The following SORCS2 variants were observed in gnomAD, a reference collection of about 807,000 sequenced individuals.
SORCS2 encodes the protein VPS10 domain-containing receptor SorCS2.
Under a neutral mutation model 141.6 loss-of-function variants are expected in SORCS2, and 100 were observed. The observed-to-expected ratio is 0.71, with a 90% confidence interval of 0.60 to 0.83. The LOEUF (loss-of-function observed/expected upper bound fraction) is 0.83. Among genes scored for constraint, SORCS2 ranks in the 40% least tolerant of loss-of-function variants. SORCS2 has a pLI of 0.00. For missense variants in SORCS2, 1,646 were observed against 1,560.2 expected, an observed-to-expected ratio of 1.05 and a Z score of -0.93; for synonymous variants, 789 against 676.9, an observed-to-expected ratio of 1.17 and a Z score of -2.57.
chr4:7,601,296 C>G (rs192310921), intron 3 of SORCS2, among the ~76,000 whole-genome samples: 2 of 145,298 alleles, frequency 1.4e-5, no homozygotes, highest in African/African-American at 5.1e-5. Context: ...TTTTTAAACT[C>G]CCCAAATTAA....
At chr4:7,540,345 C>G (rs1712526257) in intron 3 of SORCS2, among the ~76,000 whole-genome samples, 1 of 152,016 alleles carries the variant, frequency 6.6e-6, no homozygotes, top group African/African-American at 2.4e-5. Context: ...TGAGATTAGC[C>G]CGGGTCCCGT....
At chr4:7,640,937 G>A (rs1437581341) in intron 4 of SORCS2, among the ~76,000 whole-genome samples, 1 of 152,086 alleles carries the variant, frequency 6.6e-6, no homozygotes. Flanking sequence ...AAGAGGCTGT[G>A]GAACTGTCTA....
In SORCS2 at chr4:7,357,388, C is replaced by T. The variant is rs576653460; in HGVS notation, c.481-38900C>T. Among the ~76,000 whole-genome samples the T allele has an allele frequency of 9.2e-5, 14 of 152,304 alleles. No individual in the cohort carries two copies. In the South Asian group the frequency reaches 1.9e-3, roughly 20 times the overall value. ...GAAGGGAGAGAGCAGATGACAGACT[C>T]GTAGGCACTGGCAGCTTGTCTGAGA... On this transcript the variant is annotated intron_variant, in intron 1 of 26. Transcript: ENST00000507866.
intron 1 of SORCS2, among the ~76,000 whole-genome samples, chr4:7,246,029 G>C (rs1317960310): frequency 6.6e-6 from 1 of 152,208 alleles, no homozygotes; most frequent in African/African-American, 2.4e-5. Context: ...CTGTCAGTCA[G>C]AAAGGGATTG....
chr4:7,684,809 G>A (rs1001902209), intron 10 of SORCS2, among the ~76,000 whole-genome samples: 1 of 152,088 alleles, frequency 6.6e-6, no homozygotes, highest in Non-Finnish European at 1.5e-5. Context: ...AAAATGGTGA[G>A]CCCCCTCCCC....
chr4:7,630,013 C>T (rs1448113659), intron 3 of SORCS2, among the ~76,000 whole-genome samples: 1 of 152,230 alleles, frequency 6.6e-6, no homozygotes, highest in Non-Finnish European at 1.5e-5. Context: ...TCTCCTACCT[C>T]TGCCCAAGGC....
At chr4:7,202,980 A>G (rs1433559235) in intron 1 of SORCS2, among the ~76,000 whole-genome samples, 1 of 151,360 alleles carries the variant, frequency 6.6e-6, no homozygotes, top group Non-Finnish European at 1.5e-5. Flanking sequence ...TTGCTCCTGA[A>G]CAGAGACCTA....
intron 1 of SORCS2, among the ~76,000 whole-genome samples, chr4:7,301,853 G>T (rs1470851141): frequency 6.6e-6 from 1 of 152,254 alleles, no homozygotes; most frequent in Non-Finnish European, 1.5e-5. Context: ...CTAAGGTTCC[G>T]TTCTCCTGCA....
intron 1 of SORCS2, among the ~76,000 whole-genome samples, chr4:7,237,182 ATCT>A (rs1156487397): frequency 6.6e-6 from 1 of 152,238 alleles, no homozygotes. Context: ...GGCAATTTTC[ATCT>A]TCTTCTTTAG....
Position 7,506,569 on chromosome 4 carries a change from G to T in SORCS2, c.549-24961G>T, listed in dbSNP as rs41420347. On this transcript the variant is annotated intron_variant, in intron 2 of 26. Coordinates refer to ENST00000507866, the MANE Select transcript of SORCS2 (RefSeq NM_020777.3). The stretch of plus-strand genomic sequence containing the variant: ...GGAAGCAAGATGAACAGTGGAACCC[G>T]TAAGTCACAAACTGGCCGCATGGCC... Among the ~76,000 whole-genome samples, 6 of 151,714 alleles carry T rather than the reference G, an allele frequency of 4.0e-5. No individual in the cohort carries two copies. In the East Asian group the frequency reaches 7.8e-4, roughly 20 times the overall value.
At chr4:7,380,469 CTGAAT>C (rs1374810856) in intron 1 of SORCS2, among the ~76,000 whole-genome samples, 77 of 94,402 alleles carry the variant, frequency 8.2e-4, no homozygotes, top group African/African-American at 3.7e-3. Context: ...GTTGGAGATT[CTGAAT>C]TCAAATTCAA....
chr4:7,307,154 G>A (rs1717888315), intron 1 of SORCS2, among the ~76,000 whole-genome samples: 2 of 152,156 alleles, frequency 1.3e-5, no homozygotes, highest in South Asian at 2.1e-4. Context: ...TGAAGGCGAC[G>A]CCAGCCTCAT....
intron 1 of SORCS2, among the ~76,000 whole-genome samples, chr4:7,206,495 T>C (rs1205394492): frequency 1.3e-5 from 2 of 152,014 alleles, no homozygotes; most frequent in Non-Finnish European, 2.9e-5. Context: ...GCTCCACGAG[T>C]AACCTGGGAA....
chr4:7,717,437 C>G (rs1726266835), intron 17 of SORCS2, among the ~76,000 whole-genome samples: 1 of 152,236 alleles, frequency 6.6e-6, no homozygotes. Flanking sequence ...CGATCACCCC[C>G]ATTCCCACTA....
intron 1 of SORCS2, among the ~76,000 whole-genome samples, chr4:7,296,155 T>G (rs1197421969): frequency 6.6e-6 from 1 of 152,200 alleles, no homozygotes; most frequent in Non-Finnish European, 1.5e-5. Context: ...CATGCTGACC[T>G]TGTTTCTGTG....
intron 1 of SORCS2, among the ~76,000 whole-genome samples, chr4:7,355,988 G>A (rs1294130695): frequency 2.6e-5 from 4 of 152,168 alleles, no homozygotes; most frequent in Admixed American, 1.3e-4. Flanking sequence ...TGGGTTTCTC[G>A]GCTGCAGCCA....
chr4:7,656,432 G>A (rs1260381633), intron 5 of SORCS2, among the ~76,000 whole-genome samples: 4 of 152,334 alleles, frequency 2.6e-5, no homozygotes, highest in South Asian at 2.1e-4. Flanking sequence ...ACCATTCCAC[G>A]GCATCCCCAC....
chr4:7,687,627 C>A (rs1337513215), intron 10 of SORCS2, among the ~76,000 whole-genome samples: 2 of 152,070 alleles, frequency 1.3e-5, no homozygotes, highest in African/African-American at 4.8e-5. Context: ...TGGTCTCAGT[C>A]CCTCAGTCAT....
At chr4:7,279,259 A>G (rs537972277) in intron 1 of SORCS2, among the ~76,000 whole-genome samples, 3 of 152,352 alleles carry the variant, frequency 2.0e-5, no homozygotes, top group African/African-American at 7.2e-5. Context: ...GCAAGAAAAA[A>G]AGGAAAAACA....
Sources: gnomAD v4.1 joint callset for allele counts (sites outside exome capture counted in the v4.1 genomes callset) on GRCh38, gnomAD v4.1.1 for gene constraint, MANE v1.5 for transcripts, NCBI Gene and HGNC (gene_info 2026-07-23, HGNC 2026-07-21) for gene names.